GABPA: variants seen among roughly 807,000 people sequenced by gnomAD.
GABPA encodes the protein GA-binding protein alpha chain.
A neutral mutation model predicts 59.4 loss-of-function variants in GABPA; 4 were observed. The ratio of observed to expected loss-of-function variants is 0.07; its 90% confidence interval spans 0.03 to 0.15. The LOEUF (loss-of-function observed/expected upper bound fraction) is 0.15, where lower values mean the gene tolerates loss of function less well. Among genes scored for constraint, GABPA ranks in the 10% least tolerant of loss-of-function variants. GABPA has a pLI of 1.00. For synonymous variants in GABPA, 164 were observed against 183.1 expected (o/e 0.90, Z 0.84); for missense variants, 251 against 543.8 (o/e 0.46, Z 5.36).
Position 25,736,704 on chromosome 21 carries a change from C to T in GABPA, c.-27+1126C>T, listed in dbSNP as rs548946120. 9.2e-5 allele frequency among the ~76,000 whole-genome samples: 14 copies of T among 152,222 alleles called. No homozygotes were observed. In the South Asian group the frequency reaches 2.9e-3, roughly 32 times the overall value. On this transcript the variant is annotated intron_variant, in intron 1 of 9. Transcript: ENST00000400075. ...CCTCAACTCTTTATATATAAAACTC[C>T]AAACCTACAGAAGAATTGGGGAAAA...
intron 4 of GABPA, among the ~76,000 whole-genome samples, chr21:25,751,212 A>G (rs554858760): frequency 6.6e-6 from 1 of 152,038 alleles, no homozygotes; most frequent in Admixed American, 6.5e-5. Context: ...AACTGTTTTT[A>G]TGGCATAATT....
At chr21:25,747,111 A>G (rs1295277550) in intron 3 of GABPA, among the ~76,000 whole-genome samples, 1 of 152,222 alleles carries the variant, frequency 6.6e-6, no homozygotes, top group East Asian at 1.9e-4. Context: ...AATTTGCCCA[A>G]TGTGTGGCTA....
At chr21:25,760,397 C>G (rs961864125) in intron 6 of GABPA, among the ~76,000 whole-genome samples, 2 of 152,086 alleles carry the variant, frequency 1.3e-5, no homozygotes, top group Non-Finnish European at 2.9e-5. Context: ...TGTTAATAAC[C>G]CAGCCTCTAT....
Position 25,762,049 on chromosome 21 carries a change from C to T in GABPA, c.749-263C>T, listed in dbSNP as rs1297654703. Among the ~76,000 whole-genome samples the T allele has an allele frequency of 2.6e-5, 4 of 152,092 alleles. No individual in the cohort carries two copies. The East Asian group carries it at 7.7e-4, about 29-fold the overall frequency. On this transcript the variant is annotated intron_variant, in intron 6 of 9. Coordinates refer to ENST00000400075, the MANE Select transcript of GABPA (RefSeq NM_002040.4). ...AATACAAATGTTTACATTTAGAAAA[C>T]CATAGTTCTCTGCAGAACTTTACTG...
intron 5 of GABPA, among the ~76,000 whole-genome samples, 161 bp from the exon 6 acceptor site, chr21:25,757,849 A>ATTTTTTTTT (rs60518912): frequency 1.8e-5 from 2 of 108,734 alleles, no homozygotes; most frequent in African/African-American, 3.7e-5. Flanking sequence ...TTACAGCATA[A>ATTTTTTTTT]TTTTTTTTTT....
rs1387780019 is a variant in GABPA at position 25,758,139 on chromosome 21, A to G, written c.683A>G (p.Glu228Gly). Residue 228 changes from glutamate to glycine, a missense_variant, in exon 6 of 10, where the codon GAA becomes GGA. Physicochemically the swap from Glu to Gly is moderately conservative, Grantham distance 98. Coordinates refer to ENST00000400075, the MANE Select transcript of GABPA (RefSeq NM_002040.4). ...AGAGAATTATGTAGTCTCAACCAAGAAGATTTTTTTCAGCGGGTTCCTCGG... is the reference window on the plus strand; with the variant it reads ...AGAGAATTATGTAGTCTCAACCAAGGAGATTTTTTTCAGCGGGTTCCTCGG... ...SGRELCSLNQ[E>G]DFFQRVPRGE... 1 of 1,611,078 alleles carries G rather than the reference A, an allele frequency of 6.2e-7. No homozygotes were observed. The highest frequency in any genetic ancestry group is 8.5e-7 in the Non-Finnish European group (1 of 1,178,874).
At chr21:25,751,756 G>A (rs913945982) in intron 4 of GABPA, among the ~76,000 whole-genome samples, 2 of 151,988 alleles carry the variant, frequency 1.3e-5, no homozygotes, top group Non-Finnish European at 2.9e-5. Flanking sequence ...GGTAGGGTTT[G>A]TGTGTGTGTC....
chr21:25,735,298 G>A lies in GABPA; in HGVS notation c.-307G>A. ...TGTGTAAAACAAAGCGGATTGGGGCGTTGTGCTTCCTTGTACCTCGTGAGC... is the reference window on the plus strand; with the variant it reads ...TGTGTAAAACAAAGCGGATTGGGGCATTGTGCTTCCTTGTACCTCGTGAGC... On this transcript the variant is annotated 5_prime_UTR_variant, in exon 1 of 10. Transcript: ENST00000400075. 1 of 356,508 alleles carries A rather than the reference G, an allele frequency of 2.8e-6. No homozygotes were observed. Among genetic ancestry groups the A allele is most frequent in the East Asian group, 5.3e-5 (1 of 19,040 alleles). 22.1% of individuals were successfully genotyped at this position (356,508 alleles called of 1,614,324 possible). A position where few individuals can be genotyped will look rare whatever the true frequency, so the allele number is the denominator to read the frequency against.
intron 4 of GABPA, among the ~76,000 whole-genome samples, chr21:25,751,445 T>G (rs1404547414): frequency 6.6e-6 from 1 of 151,522 alleles, no homozygotes; most frequent in East Asian, 1.9e-4. Context: ...TATTCAGGAT[T>G]TGGGTTTTTC....
chr21:25,751,526 A>G (rs1315883458), intron 4 of GABPA, among the ~76,000 whole-genome samples: 1 of 151,848 alleles, frequency 6.6e-6, no homozygotes, highest in Non-Finnish European at 1.5e-5. Context: ...ATAATTTTTA[A>G]CACATCTACT....
intron 3 of GABPA, among the ~76,000 whole-genome samples, chr21:25,748,535 G>A (rs888664964): frequency 6.6e-6 from 1 of 152,150 alleles, no homozygotes; most frequent in Non-Finnish European, 1.5e-5. Context: ...GCTAGGTTAG[G>A]TAGTAAGGTC....
At position 25,769,572 on chromosome 21, in the gene GABPA, A is replaced by C. The variant is rs1877343663; in HGVS notation, c.*340A>C. The C allele has an allele frequency of 1.7e-5, 3 of 177,736 alleles. No individual in the cohort carries two copies. In the South Asian group the frequency reaches 4.3e-4, roughly 26 times the overall value. The allele number at this position is 177,736 out of a possible 1,614,324, so 11.0% of individuals were successfully genotyped here. A position where few individuals can be genotyped will look rare whatever the true frequency, so the allele number is the denominator to read the frequency against. On this transcript the variant is annotated 3_prime_UTR_variant, in exon 10 of 10. Transcript: ENST00000400075. ...GTATCTGAAAATGAAAAATAAATGA[A>C]GTATCTCTAGGAAACAGTCTGGCTT...
intron 9 of GABPA, among the ~76,000 whole-genome samples, chr21:25,767,555 C>G (rs1222225457): frequency 6.6e-6 from 1 of 151,754 alleles, no homozygotes; most frequent in African/African-American, 2.4e-5. Flanking sequence ...TCACCTCTTA[C>G]CAAGAAATAT....
intron 9 of GABPA, among the ~76,000 whole-genome samples, chr21:25,768,156 G>T (rs571158283): frequency 3.4e-4 from 52 of 151,912 alleles, no homozygotes; most frequent in Non-Finnish European, 6.5e-4. Flanking sequence ...AGCTCCATTT[G>T]CATCTCTATA....
chr21:25,757,709 ATTC>A (rs2035668732), intron 5 of GABPA, among the ~76,000 whole-genome samples: 1 of 151,984 alleles, frequency 6.6e-6, no homozygotes, highest in Non-Finnish European at 1.5e-5. Flanking sequence ...CTCATATTTT[ATTC>A]TTTCATTTGG....
chr21:25,735,385 G>A lies in GABPA; in HGVS notation c.-220G>A, dbSNP rs1245943235. 11 of 187,874 alleles carry A rather than the reference G, an allele frequency of 5.9e-5. No individual in the cohort carries two copies. Among genetic ancestry groups the A allele is most frequent in the Non-Finnish European group, 7.9e-5 (7 of 88,634 alleles). 11.6% of individuals were successfully genotyped at this position (187,874 alleles called of 1,614,324 possible). The stretch of plus-strand genomic sequence containing the variant: ...CGGGAGTTGTAGTCCTGGACCCGAA[G>A]GTGCCTGGGAGGCGGGAGGGGGGTT... On this transcript the variant is annotated 5_prime_UTR_variant, in exon 1 of 10. Coordinates refer to ENST00000400075, the MANE Select transcript of GABPA (RefSeq NM_002040.4).
intron 6 of GABPA, among the ~76,000 whole-genome samples, chr21:25,758,457 A>G (rs1042283084): frequency 6.6e-6 from 1 of 152,196 alleles, no homozygotes; most frequent in Non-Finnish European, 1.5e-5. Flanking sequence ...AGTCACAGCT[A>G]GGAAGTGGCA....
Position 25,752,166 on chromosome 21 carries a change from A to G in GABPA, c.485A>G (p.Gln162Arg), listed in dbSNP as rs1376020008. Residue 162 changes from glutamine (Q) to arginine (R), a missense_variant, in exon 5 of 10, where the codon CAA (glutamine) becomes CGA (arginine). Transcript: ENST00000400075. ...ACCATTTCAGATGAAACTTCAGAAC[A>G]AGTGACAAGATGGGCTGCTGCACTG... ...ITTISDETSE[Q>R]VTRWAAALEG... The G allele has an allele frequency of 1.2e-6, 2 of 1,611,438 alleles. No individual in the cohort carries two copies. Among genetic ancestry groups the G allele is most frequent in the Non-Finnish European group, 1.7e-6 (2 of 1,177,980 alleles).
rs2035976887 is a variant in GABPA, at chr21:25,769,968, G to A, written c.*736G>A. 1 of 152,496 alleles carries A rather than the reference G, an allele frequency of 6.6e-6. No homozygotes were observed. Among genetic ancestry groups the A allele is most frequent in the African/African-American group, 2.4e-5 (1 of 41,418 alleles). The allele number at this position is 152,496 out of a possible 1,614,324, so 9.4% of individuals were successfully genotyped here. A position where few individuals can be genotyped will look rare whatever the true frequency, so the allele number is the denominator to read the frequency against. ...AGAGGCATTTAATTCTAATAAACCA[G>A]CTGTTATAAAAATTATAAAATGATC... On this transcript the variant is annotated 3_prime_UTR_variant, in exon 10 of 10. Coordinates refer to ENST00000400075, the MANE Select transcript of GABPA (RefSeq NM_002040.4).
Sources: gnomAD v4.1 joint callset for allele counts (sites outside exome capture counted in the v4.1 genomes callset) on GRCh38, gnomAD v4.1.1 for gene constraint, MANE v1.5 for transcripts, NCBI Gene and HGNC (gene_info 2026-07-23, HGNC 2026-07-21) for gene names.